Variants in WDR25 observed in about 807,000 individuals in gnomAD.
The protein encoded by WDR25 is WD repeat-containing protein 25.
In WDR25, 35 loss-of-function variants were observed where a neutral mutation model predicts 47.7. The observed-to-expected ratio is 0.73, with a 90% CI of 0.56 to 0.97. The LOEUF (loss-of-function observed/expected upper bound fraction) is 0.97. Among genes scored for constraint, WDR25 ranks in the 50% least tolerant of loss-of-function variants. The pLI is 0.00. For synonymous variants in WDR25, 248 were observed against 278.9 expected (o/e 0.89, Z 1.10); for missense variants, 634 against 704.7 (o/e 0.90, Z 1.14).
chr14:100,412,008 C>A lies in WDR25; in HGVS notation c.822+30262C>A, dbSNP rs570182338. ...TTTCCCTTAAAATGGTAAAATATCC[C>A]AGCCTGGGCAACATGGGTGAAACCC... is the stretch of plus-strand genomic sequence containing the variant. On this transcript the variant is annotated intron_variant, in intron 2 of 6. Transcript: ENST00000402312. Among the ~76,000 whole-genome samples, 14 of 152,218 alleles carry A rather than the reference C, an allele frequency of 9.2e-5. No homozygotes were observed. The East Asian group carries it at 2.7e-3, about 29-fold the overall frequency.
intron 1 of WDR25, among the ~76,000 whole-genome samples, chr14:100,380,167 C>T (rs1896845286): frequency 6.6e-6 from 1 of 152,012 alleles, no homozygotes; most frequent in African/African-American, 2.4e-5. Context: ...CCTGCCTCAG[C>T]CTCCCAAGTA....
intron 2 of WDR25, among the ~76,000 whole-genome samples, chr14:100,448,762 G>A (rs752087343): frequency 6.6e-6 from 1 of 152,042 alleles, no homozygotes; most frequent in Non-Finnish European, 1.5e-5. Context: ...GGCAATGACT[G>A]GAGGTGGAAA....
chr14:100,457,019 G>A (rs976773532), intron 2 of WDR25, among the ~76,000 whole-genome samples: 2 of 152,178 alleles, frequency 1.3e-5, no homozygotes, highest in East Asian at 1.9e-4. Context: ...ATGCAGTGGT[G>A]TGATCTCGGG....
intron 3 of WDR25, among the ~76,000 whole-genome samples, chr14:100,483,365 G>A (rs960464967): frequency 4.6e-5 from 7 of 152,184 alleles, no homozygotes; most frequent in Admixed American, 2.6e-4. Context: ...CAAGGACTGC[G>A]TTGTGTCCTG....
At chr14:100,391,945 G>A (rs757258350) in intron 2 of WDR25, among the ~76,000 whole-genome samples, 2 of 152,126 alleles carry the variant, frequency 1.3e-5, no homozygotes, top group Admixed American at 6.5e-5. Context: ...AAATACAGAC[G>A]CAGCTTTGAG....
In WDR25 at chr14:100,519,731, AGTGTATATATAGTATATATATAGT is replaced by A. The variant is rs1351462971; in HGVS notation, c.1102-6114_1102-6091del. Among the ~76,000 whole-genome samples, 136 of 129,236 alleles carry A rather than the reference AGTGTATATATAGTATATATATAGT, an allele frequency of 1.1e-3. 2 individuals carry two copies. Among genetic ancestry groups the A allele is most frequent in the African/African-American group, 3.9e-3 (104 of 26,818 alleles). 84.8% of individuals were successfully genotyped at this position (129,236 alleles called of 152,430 possible). ...TATATAGTGTATATATACTATATATAGTGTATATATAGTATATATATAGTGTGTATATATAGTATATATATAGTA... is the reference window on the plus strand; with the variant it reads ...TATATAGTGTATATATACTATATATAGTGTATATATAGTATATATATAGTA... On this transcript the variant is annotated intron_variant, in intron 4 of 6. Coordinates refer to ENST00000402312, the MANE Select transcript of WDR25 (RefSeq NM_001161476.3).
At chr14:100,394,966 C>CA (rs560276394) in intron 2 of WDR25, among the ~76,000 whole-genome samples, 4,450 of 150,184 alleles carry the variant, frequency 0.03, 84 homozygotes, top group Middle Eastern at 0.051. Context: ...GCCTGTATCT[C>CA]AAAAAAAAAC....
intron 2 of WDR25, among the ~76,000 whole-genome samples, chr14:100,416,878 G>C (rs775368528): frequency 1.3e-5 from 2 of 152,218 alleles, no homozygotes; most frequent in Non-Finnish European, 2.9e-5. Flanking sequence ...TAACTTCACA[G>C]TCATGAGGTA....
chr14:100,524,541 C>CTT (rs201278733), intron 4 of WDR25, among the ~76,000 whole-genome samples: 1 of 151,410 alleles, frequency 6.6e-6, no homozygotes, highest in Non-Finnish European at 1.5e-5. Context: ...ATTCAGAAGG[C>CTT]TTTTTTTTTC....
intron 5 of WDR25, among the ~76,000 whole-genome samples, chr14:100,526,441 C>G (rs2140393661): frequency 6.6e-6 from 1 of 152,228 alleles, no homozygotes; most frequent in South Asian, 2.1e-4. Flanking sequence ...AGGGGCCCCA[C>G]AGTTAGAACA....
intron 2 of WDR25, among the ~76,000 whole-genome samples, chr14:100,464,245 T>C (rs1325113411): frequency 6.6e-6 from 1 of 152,188 alleles, no homozygotes; most frequent in Non-Finnish European, 1.5e-5. Context: ...AATTTCTACA[T>C]AGCTGGCTTT....
chr14:100,404,940 C>T lies in WDR25; in HGVS notation c.822+23194C>T, dbSNP rs909587654. On this transcript the variant is annotated intron_variant, in intron 2 of 6. Coordinates refer to ENST00000402312, the MANE Select transcript of WDR25 (RefSeq NM_001161476.3). The surrounding 1 kb of genome is among the most constrained non-coding windows in gnomAD (Gnocchi z 4.6). ...GTTTGGGCCCTTCCTCTTAACCCTC[C>T]TACCTTGTGTCCCCATGCTAGTTCT... Among the ~76,000 whole-genome samples, 1 of 152,096 alleles carries T rather than the reference C, an allele frequency of 6.6e-6. No homozygotes were observed. Among genetic ancestry groups the T allele is most frequent in the African/African-American group, 2.4e-5 (1 of 41,416 alleles).
At chr14:100,493,560 T>C (rs1019710649) in intron 4 of WDR25, among the ~76,000 whole-genome samples, 1 of 152,230 alleles carries the variant, frequency 6.6e-6, no homozygotes, top group African/African-American at 2.4e-5. Context: ...CCCATTCTTA[T>C]GCACAACCTC....
At chr14:100,515,570 C>T (rs934758525) in intron 4 of WDR25, among the ~76,000 whole-genome samples, 6 of 152,132 alleles carry the variant, frequency 3.9e-5, no homozygotes, top group South Asian at 2.1e-4. Context: ...TCATACTGTC[C>T]GCTACCTTCT....
intron 3 of WDR25, among the ~76,000 whole-genome samples, chr14:100,481,778 T>G (rs1216055459): frequency 1.3e-5 from 2 of 152,222 alleles, no homozygotes; most frequent in African/African-American, 4.8e-5. Flanking sequence ...GGTAGTCCTG[T>G]TTTCCTAATA....
intron 2 of WDR25, among the ~76,000 whole-genome samples, chr14:100,435,054 C>T (rs1233137217): frequency 6.6e-6 from 1 of 152,150 alleles, no homozygotes; most frequent in East Asian, 1.9e-4. Flanking sequence ...GTGCTAATGA[C>T]AGCACAGCCC....
At chr14:100,493,406 T>C (rs1405628105) in intron 4 of WDR25, among the ~76,000 whole-genome samples, 2 of 152,256 alleles carry the variant, frequency 1.3e-5, no homozygotes. Flanking sequence ...AACATAATGT[T>C]TTCAAGATTC....
chr14:100,379,949 C>T (rs1896837205), intron 1 of WDR25, among the ~76,000 whole-genome samples: 1 of 151,380 alleles, frequency 6.6e-6, no homozygotes, highest in Admixed American at 6.6e-5. Context: ...ACTATGTTGG[C>T]CAGGCTGCTC....
At position 100,453,543 on chromosome 14, in the gene WDR25, C is replaced by T. The variant is rs1899108383; in HGVS notation, c.823-14478C>T. 2.6e-5 allele frequency among the ~76,000 whole-genome samples: 4 copies of T among 152,236 alleles called. No individual in the cohort carries two copies. The South Asian group carries it at 8.3e-4, about 31-fold the overall frequency. ...ATACATGATTATTGCTACCTGGAGG[C>T]GGTCCCAGAATAATGCCCTGGATTA... is the stretch of plus-strand genomic sequence containing the variant. On this transcript the variant is annotated intron_variant, in intron 2 of 6. Coordinates refer to ENST00000402312, the MANE Select transcript of WDR25 (RefSeq NM_001161476.3).
Sources: gnomAD v4.1 joint callset for allele counts (sites outside exome capture counted in the v4.1 genomes callset) on GRCh38, gnomAD v4.1.1 for gene constraint, Gnocchi (gnomAD v3.1) non-coding constraint, MANE v1.5 for transcripts, NCBI Gene and HGNC (gene_info 2026-07-23, HGNC 2026-07-21) for gene names.